Variants in TNFRSF10B observed in about 807,000 individuals in gnomAD.
TNFRSF10B encodes TNF receptor superfamily member 10b.
A neutral mutation model predicts 41.4 loss-of-function variants in TNFRSF10B; 35 were observed. That is an observed-to-expected ratio of 0.85 (90% CI 0.65 to 1.12). The LOEUF is 1.12. TNFRSF10B is among the 50% of genes most tolerant of loss of function. TNFRSF10B has a pLI of 0.00. For missense variants in TNFRSF10B, 584 were observed against 552.7 expected (o/e 1.06, Z -0.57); for synonymous variants, 230 against 215.5 (o/e 1.07, Z -0.59).
chr8:23,027,474 G>A, intron 6 of TNFRSF10B, 186 bp from the exon 7 acceptor site: 3 of 820,034 alleles, frequency 3.7e-6, no homozygotes, highest in Non-Finnish European at 5.8e-6. Flanking sequence ...GCTGTGCTCA[G>A]GCAGACACCC....
At chr8:23,029,323 A>C (rs1310839005) in intron 4 of TNFRSF10B, among the ~76,000 whole-genome samples, 1 of 152,250 alleles carries the variant, frequency 6.6e-6, no homozygotes, top group Non-Finnish European at 1.5e-5. Flanking sequence ...TTATTTCAAG[A>C]GAAATTAAAT....
At chr8:23,027,695 C>G (rs780392024) in intron 6 of TNFRSF10B, 27 bp downstream of exon 6, 1 of 1,614,040 alleles carries the variant, frequency 6.2e-7, no homozygotes, top group Admixed American at 1.7e-5. Flanking sequence ...ACCCCTGAGC[C>G]CCCAGCTCCT....
intron 2 of TNFRSF10B, among the ~76,000 whole-genome samples, chr8:23,038,317 G>C (rs920061113): frequency 6.6e-6 from 1 of 152,192 alleles, no homozygotes; most frequent in Non-Finnish European, 1.5e-5. Flanking sequence ...ACCAGGCACA[G>C]AGCCATGACC....
intron 1 of TNFRSF10B, among the ~76,000 whole-genome samples, chr8:23,058,634 C>T (rs1165865319): frequency 1.3e-5 from 2 of 151,994 alleles, no homozygotes; most frequent in African/African-American, 4.8e-5. Flanking sequence ...TACAGGCATG[C>T]ATCACAATGC....
At chr8:23,049,038 A>G (rs1812444388) in intron 1 of TNFRSF10B, among the ~76,000 whole-genome samples, 1 of 152,242 alleles carries the variant, frequency 6.6e-6, no homozygotes, top group African/African-American at 2.4e-5. Context: ...AACGTCTACT[A>G]TATTAAAAAC....
intron 1 of TNFRSF10B, among the ~76,000 whole-genome samples, chr8:23,061,701 A>C (rs1388323481): frequency 2.0e-5 from 3 of 152,128 alleles, no homozygotes; most frequent in Non-Finnish European, 2.9e-5. Context: ...ATGTTGTGGA[A>C]GTTTTCTTCT....
chr8:23,023,460 G>C (rs569547254), intron 8 of TNFRSF10B, among the ~76,000 whole-genome samples: 134 of 152,082 alleles, frequency 8.8e-4, no homozygotes, highest in Non-Finnish European at 1.6e-3. Flanking sequence ...TCACTTCCTG[G>C]GGCTGGGGCA....
At position 23,020,673 on chromosome 8, in the gene TNFRSF10B, G is replaced by A. The variant is rs113554268; in HGVS notation, c.*1998C>T. On this transcript the variant is annotated 3_prime_UTR_variant, in exon 9 of 9. Transcript: ENST00000276431. The stretch of plus-strand genomic sequence containing the variant: ...TACCGTTGCACTCCAGCCTGGGCGA[G>A]AGAGTGAGATTCTGTCTCAAAAAAA... 4.4e-6 allele frequency: 2 copies of A among 453,886 alleles called. No homozygotes were observed. The highest frequency in any genetic ancestry group is 6.8e-4 in the Middle Eastern group (1 of 1,466). The allele number at this position is 453,886 out of a possible 1,614,324, so 28.1% of individuals were successfully genotyped here.
Position 23,022,153 on chromosome 8 carries a change from G to A in TNFRSF10B, c.*518C>T, listed in dbSNP as rs1386327673. 1 of 447,224 alleles carries A rather than the reference G, an allele frequency of 2.2e-6. No homozygotes were observed. Among genetic ancestry groups the A allele is most frequent in the Non-Finnish European group, 4.5e-6 (1 of 222,744 alleles). The allele number at this position is 447,224 out of a possible 1,614,324, so 27.7% of individuals were successfully genotyped here. ...TGCACACCTGTGGTCCCAGCTATTT[G>A]GATGGCTGAGGTGGGAGAATCGCTT... On this transcript the variant is annotated 3_prime_UTR_variant, in exon 9 of 9. Coordinates refer to ENST00000276431, the MANE Select transcript of TNFRSF10B (RefSeq NM_003842.5).
intron 1 of TNFRSF10B, among the ~76,000 whole-genome samples, chr8:23,065,237 C>T (rs1455260208): frequency 6.6e-6 from 1 of 152,198 alleles, no homozygotes; most frequent in Non-Finnish European, 1.5e-5. Flanking sequence ...CTGTCCCCGC[C>T]GCCAAGCACA....
intron 1 of TNFRSF10B, among the ~76,000 whole-genome samples, chr8:23,053,266 T>C (rs1023136275): frequency 2.0e-5 from 3 of 152,216 alleles, no homozygotes; most frequent in African/African-American, 7.2e-5. Flanking sequence ...ACCTAGTATA[T>C]AATTAAAATC....
Position 23,030,832 on chromosome 8 carries a change from G to A in TNFRSF10B, c.291C>T (p.Cys97=), listed in dbSNP as rs750473558. ...GAGTGCTATAGTCCTGTCCATATTT[G>A]CAGGAGATGCAATCTCTACCGTCTT... ...ISEDGRDCIS[C]KYGQDYSTHW... The change falls in exon 3 of 9, where the codon TGC becomes TGT. Residue 97 remains cysteine, a synonymous_variant. Transcript: ENST00000276431. 6.2e-7 allele frequency: 1 copy of A among 1,612,736 alleles called. No individual in the cohort carries two copies. The highest frequency in any genetic ancestry group is 8.5e-7 in the Non-Finnish European group (1 of 1,179,488).
At chr8:23,045,847 C>T (rs1033682653) in intron 1 of TNFRSF10B, among the ~76,000 whole-genome samples, 1 of 152,188 alleles carries the variant, frequency 6.6e-6, no homozygotes, top group Non-Finnish European at 1.5e-5. Context: ...AATATGATCA[C>T]CTCATTAGAT....
intron 1 of TNFRSF10B, among the ~76,000 whole-genome samples, chr8:23,059,695 GT>G (rs1812773005): frequency 6.6e-6 from 1 of 151,214 alleles, no homozygotes; most frequent in Non-Finnish European, 1.5e-5. Context: ...TTTTTTTTTA[GT>G]GGAGACGGGG....
At chr8:23,065,684 C>G (rs1812961299) in intron 1 of TNFRSF10B, among the ~76,000 whole-genome samples, 1 of 152,096 alleles carries the variant, frequency 6.6e-6, no homozygotes, top group Non-Finnish European at 1.5e-5. Context: ...TAGATAAAAG[C>G]TAGTATCAGA....
At position 23,031,268 on chromosome 8, in the gene TNFRSF10B, G is replaced by C. The variant is rs6982452; in HGVS notation, c.251-396C>G. The stretch of plus-strand genomic sequence containing the variant: ...TTTTTGTATTTTTTTAGTAGAGACA[G>C]GGTTTCACCGTATTGGCCAGGCTAG... On this transcript the variant is annotated intron_variant, in intron 2 of 8. Transcript: ENST00000276431. 2.3e-3 allele frequency among the ~76,000 whole-genome samples: 347 copies of C among 152,152 alleles called. 3 individuals are homozygous for C. The highest frequency in any genetic ancestry group is 7.4e-3 in the African/African-American group (309 of 41,494).
chr8:23,023,233 C>G (rs996102291), intron 8 of TNFRSF10B, among the ~76,000 whole-genome samples: 3 of 152,158 alleles, frequency 2.0e-5, no homozygotes, highest in African/African-American at 7.2e-5. Flanking sequence ...GGCTGAGAAC[C>G]CACCAGGGGA....
intron 2 of TNFRSF10B, among the ~76,000 whole-genome samples, chr8:23,032,449 T>C (rs112686578): frequency 0.021 from 3,167 of 152,316 alleles, 107 homozygotes; most frequent in African/African-American, 0.071. Flanking sequence ...TGTTTCAAAA[T>C]TGGAAAGTGT....
chr8:23,034,976 C>G (rs1485960400), intron 2 of TNFRSF10B, among the ~76,000 whole-genome samples: 1 of 152,128 alleles, frequency 6.6e-6, no homozygotes, highest in African/African-American at 2.4e-5. Flanking sequence ...TCCCTGGTAC[C>G]CTGGTATGCA....
Sources: gnomAD v4.1 joint callset for allele counts (sites outside exome capture counted in the v4.1 genomes callset) on GRCh38, gnomAD v4.1.1 for gene constraint, MANE v1.5 for transcripts, NCBI Gene and HGNC (gene_info 2026-07-23, HGNC 2026-07-21) for gene names.